Variants in TRERF1 observed in about 807,000 individuals in gnomAD.
The protein encoded by TRERF1 is transcriptional-regulating factor 1.
TRERF1 carries 27 observed loss-of-function variants against 122.9 expected under a neutral mutation model. That is an observed-to-expected ratio of 0.22 (90% CI 0.16 to 0.30). TRERF1 has a LOEUF of 0.30. TRERF1 is among the 10% of genes least tolerant of loss of function. The pLI, the probability that TRERF1 is intolerant of heterozygous loss-of-function variation, is 1.00. For synonymous variants in TRERF1, 636 were observed against 641.7 expected (o/e 0.99, Z 0.13); for missense variants, 1,248 against 1,560.3 (o/e 0.80, Z 3.37).
At chr6:42,317,087 C>A (rs559111432) in intron 3 of TRERF1, among the ~76,000 whole-genome samples, 2 of 152,126 alleles carry the variant, frequency 1.3e-5, no homozygotes, top group Non-Finnish European at 2.9e-5. Flanking sequence ...TTTTCCACAC[C>A]CCTACGATTT....
chr6:42,412,577 C>A (rs1781270293), intron 2 of TRERF1, among the ~76,000 whole-genome samples: 1 of 152,070 alleles, frequency 6.6e-6, no homozygotes, highest in African/African-American at 2.4e-5. Context: ...AGTCTGTCAG[C>A]CACCAAAAAT....
At chr6:42,414,727 T>C (rs1447477131) in intron 2 of TRERF1, among the ~76,000 whole-genome samples, 2 of 152,236 alleles carry the variant, frequency 1.3e-5, no homozygotes, top group African/African-American at 2.4e-5. Context: ...CGTTATCTTC[T>C]ATTCTTTTGT....
chr6:42,380,104 G>A (rs981931367), intron 2 of TRERF1, among the ~76,000 whole-genome samples: 1 of 151,906 alleles, frequency 6.6e-6, no homozygotes, highest in African/African-American at 2.4e-5. Context: ...ATACCTGGGG[G>A]AAGATATTCC....
intron 3 of TRERF1, among the ~76,000 whole-genome samples, chr6:42,353,154 G>C (rs1054861573): frequency 6.6e-6 from 1 of 152,028 alleles, no homozygotes. Context: ...CTGGGCGACA[G>C]AATGAGACTC....
At chr6:42,306,735 G>C (rs565041138) in intron 3 of TRERF1, among the ~76,000 whole-genome samples, 2 of 152,048 alleles carry the variant, frequency 1.3e-5, no homozygotes, top group African/African-American at 4.8e-5. Flanking sequence ...CATCTGTCAG[G>C]CTATAGCTTT....
At chr6:42,327,035 T>A (rs1464328521) in intron 3 of TRERF1, among the ~76,000 whole-genome samples, 1 of 152,194 alleles carries the variant, frequency 6.6e-6, no homozygotes, top group African/African-American at 2.4e-5. Context: ...CTAGTCAGAA[T>A]CCTTGAGACA....
At chr6:42,252,378 C>T (rs921193978) in intron 13 of TRERF1, among the ~76,000 whole-genome samples, 3 of 152,232 alleles carry the variant, frequency 2.0e-5, no homozygotes, top group Non-Finnish European at 2.9e-5. Flanking sequence ...TACAGCCTCC[C>T]GCCCTGACAT....
intron 2 of TRERF1, among the ~76,000 whole-genome samples, chr6:42,450,807 C>T (rs145665999): frequency 9.8e-5 from 15 of 152,302 alleles, no homozygotes; most frequent in African/African-American, 3.6e-4. Context: ...AGCCCGCAGG[C>T]GCGTATACAT....
intron 2 of TRERF1, among the ~76,000 whole-genome samples, chr6:42,389,699 GCA>G (rs1034607726): frequency 2.0e-5 from 3 of 152,168 alleles, no homozygotes; most frequent in Non-Finnish European, 4.4e-5. Context: ...GTAAAGTGAG[GCA>G]ATTCAGGTGA....
At chr6:42,366,278 C>T (rs1772713979) in intron 2 of TRERF1, among the ~76,000 whole-genome samples, 1 of 152,230 alleles carries the variant, frequency 6.6e-6, no homozygotes, top group Non-Finnish European at 1.5e-5. Context: ...CTTGCAACTG[C>T]CCGCTGCTCA....
intron 2 of TRERF1, among the ~76,000 whole-genome samples, chr6:42,406,088 C>A (rs1780143077): frequency 6.6e-6 from 1 of 152,100 alleles, no homozygotes; most frequent in Admixed American, 6.5e-5. Context: ...CTCCTCATAT[C>A]CCTAGGAGGT....
At chr6:42,342,091 T>C (rs1767399980) in intron 3 of TRERF1, among the ~76,000 whole-genome samples, 1 of 152,254 alleles carries the variant, frequency 6.6e-6, no homozygotes, top group African/African-American at 2.4e-5. Context: ...ATTCTGCATG[T>C]GTCTACTGGG....
intron 2 of TRERF1, among the ~76,000 whole-genome samples, chr6:42,432,992 G>A (rs1784714337): frequency 6.6e-6 from 1 of 152,230 alleles, no homozygotes; most frequent in Non-Finnish European, 1.5e-5. Context: ...CTCTGGTACA[G>A]AACAGCTACA....
At chr6:42,358,450 G>GT (rs1298575461) in intron 3 of TRERF1, among the ~76,000 whole-genome samples, 1 of 152,206 alleles carries the variant, frequency 6.6e-6, no homozygotes, top group African/African-American at 2.4e-5. Flanking sequence ...AAAGTAGGGT[G>GT]TATTTCCCTA....
Position 42,234,098 on chromosome 6 carries a change from C to T in TRERF1, c.3067-1206G>A, listed in dbSNP as rs914439787. ...CTGGCCCTACCAGATGCTAGCAGCA[C>T]CTCCGCATTTATGATAAAAGTTATG... is the stretch of plus-strand genomic sequence containing the variant. On this transcript the variant is annotated intron_variant, in intron 16 of 17. Transcript: ENST00000372922. Among the ~76,000 whole-genome samples, 3 of 152,082 alleles carry T rather than the reference C, an allele frequency of 2.0e-5. No individual in the cohort carries two copies. The East Asian group carries it at 5.8e-4, about 29-fold the overall frequency.
chr6:42,439,084 G>A (rs1337103054), intron 2 of TRERF1, among the ~76,000 whole-genome samples: 1 of 152,174 alleles, frequency 6.6e-6, no homozygotes, highest in Non-Finnish European at 1.5e-5. Flanking sequence ...GAAATGGCAG[G>A]CCATGCCGTA....
At chr6:42,443,253 C>G (rs1226672009) in intron 2 of TRERF1, among the ~76,000 whole-genome samples, 7 of 152,216 alleles carry the variant, frequency 4.6e-5, no homozygotes, top group Non-Finnish European at 7.3e-5. Context: ...CAAGAGAGTT[C>G]ATTATACTAG....
intron 4 of TRERF1, among the ~76,000 whole-genome samples, chr6:42,300,436 C>A (rs899146370): frequency 1.3e-5 from 2 of 152,178 alleles, no homozygotes; most frequent in African/African-American, 2.4e-5. Flanking sequence ...TCAACTCAGT[C>A]CTTTCTGCTC....
chr6:42,330,680 T>C (rs1049141334), intron 3 of TRERF1, among the ~76,000 whole-genome samples: 2 of 152,184 alleles, frequency 1.3e-5, no homozygotes, highest in Non-Finnish European at 2.9e-5. Flanking sequence ...TATTTTTTAT[T>C]TTTTTGAGAC....
Sources: gnomAD v4.1 joint callset for allele counts (sites outside exome capture counted in the v4.1 genomes callset) on GRCh38, gnomAD v4.1.1 for gene constraint, MANE v1.5 for transcripts, NCBI Gene and HGNC (gene_info 2026-07-23, HGNC 2026-07-21) for gene names.